DPP6: variants seen among roughly 807,000 people sequenced by gnomAD.
DPP6 encodes the protein dipeptidyl peptidase like 6.
DPP6 carries 69 observed loss-of-function variants against 122.6 expected under a neutral mutation model. That is an observed-to-expected ratio of 0.56 (90% CI 0.46 to 0.69). DPP6 has a LOEUF of 0.69. Ranked by LOEUF, DPP6 falls within the 30% of genes least tolerant of loss-of-function variation. The probability of loss-of-function intolerance (pLI) is 0.00; values close to 1 mark genes in which losing one functional copy is unlikely to be tolerated. For missense variants in DPP6, 928 were observed against 1,116.9 expected (o/e 0.83, Z 2.41); for synonymous variants, 418 against 433.1 (o/e 0.97, Z 0.43).
At chr7:153,758,577 A>G in the DPP6 span, among the ~76,000 whole-genome samples, 2 of 152,170 alleles carry the variant, frequency 1.3e-5, no homozygotes, top group Non-Finnish European at 2.9e-5. Context: ...CTGTTACTAT[A>G]TATTACTTTC....
chr7:154,727,893 A>T lies in DPP6; in HGVS notation c.883+6A>T. On this transcript the variant is annotated splice_donor_region_variant and intron_variant, in intron 8 of 25. Coordinates refer to ENST00000377770, the MANE Select transcript of DPP6 (RefSeq NM_130797.4). ...CAGTGACTGGCTGTATGAAGGTAAG[A>T]TGTGCACAGAGAGAAAAAAGGAAGA... The T allele has an allele frequency of 1.3e-6, 2 of 1,590,374 alleles. No homozygotes were observed. Among genetic ancestry groups the T allele is most frequent in the Non-Finnish European group, 1.7e-6 (2 of 1,166,992 alleles).
At position 154,554,626 on chromosome 7, in the gene DPP6, C is replaced by A. The variant is rs899405105; in HGVS notation, c.553-12216C>A. Among the ~76,000 whole-genome samples, 14 of 152,094 alleles carry A rather than the reference C, an allele frequency of 9.2e-5. No homozygotes were observed. The East Asian group carries it at 9.6e-4, about 10-fold the overall frequency. ...TAGAATTTTATATAAATGGGATCAT[C>A]ATACATGTAGACCAATATTTTTAAA... On this transcript the variant is annotated intron_variant, in intron 4 of 25. Transcript: ENST00000377770.
chr7:154,664,678 T>A (rs1235721837), intron 6 of DPP6, among the ~76,000 whole-genome samples: 1 of 151,998 alleles, frequency 6.6e-6, no homozygotes, highest in African/African-American at 2.4e-5. Context: ...TTTCAGTTTT[T>A]AAAATCAAGA....
chr7:154,152,596 A>G (rs944195972), intron 1 of DPP6, among the ~76,000 whole-genome samples: 1 of 152,236 alleles, frequency 6.6e-6, no homozygotes, highest in Non-Finnish European at 1.5e-5. Context: ...GGATTAGAAC[A>G]TTATCAGGAT....
At chr7:154,862,154 C>T (rs1803463764) in intron 17 of DPP6, among the ~76,000 whole-genome samples, 1 of 152,194 alleles carries the variant, frequency 6.6e-6, no homozygotes, top group South Asian at 2.1e-4. Flanking sequence ...ATGTGGAGCC[C>T]ACCTGTGTAC....
intron 1 of DPP6, chr7:154,092,930 G>A (rs1010152121): frequency 3.9e-5 from 6 of 152,060 alleles, no homozygotes; most frequent in African/African-American, 1.2e-4. Context: ...ACAAAAATAT[G>A]GAGCCGTCGT....
At chr7:154,016,181 C>G (rs1405221297) in intron 1 of DPP6, among the ~76,000 whole-genome samples, 1 of 152,142 alleles carries the variant, frequency 6.6e-6, no homozygotes, top group Non-Finnish European at 1.5e-5. Context: ...TCTCTCTCCC[C>G]CCGCCACACA....
the DPP6 span, among the ~76,000 whole-genome samples, chr7:153,756,674 C>G: frequency 6.6e-6 from 1 of 151,834 alleles, no homozygotes; most frequent in Non-Finnish European, 1.5e-5. Flanking sequence ...AAAGAGTACC[C>G]GTGTAAATAT....
intron 1 of DPP6, among the ~76,000 whole-genome samples, chr7:154,229,703 C>T (rs1040634502): frequency 6.6e-5 from 10 of 152,086 alleles, no homozygotes; most frequent in East Asian, 1.9e-4. Flanking sequence ...ACCATTCTTC[C>T]GTCCAAGCTT....
intron 6 of DPP6, among the ~76,000 whole-genome samples, chr7:154,645,456 C>A (rs907529494): frequency 2.6e-5 from 4 of 152,106 alleles, no homozygotes; most frequent in African/African-American, 4.8e-5. Context: ...TCCCCTTCTC[C>A]CTTCCCCTCC....
chr7:154,133,641 G>A (rs1338996329), intron 1 of DPP6, among the ~76,000 whole-genome samples: 3 of 152,156 alleles, frequency 2.0e-5, no homozygotes, highest in African/African-American at 7.2e-5. Flanking sequence ...TAGATAAACC[G>A]AGAAAAATGT....
In DPP6 at chr7:154,038,266, A is replaced by G. The variant is rs1301288499; in HGVS notation, c.51+150532A>G. ...GAGATGGAAGTAGTCCCTCCTCTCA[A>G]GGAGTCTGTCCTCTACTGGGGAGAT... On this transcript the variant is annotated intron_variant, in intron 1 of 25. Transcript: ENST00000404039. Among the ~76,000 whole-genome samples, 448 of 128,762 alleles carry G rather than the reference A, an allele frequency of 3.5e-3. 17 individuals carry two copies. Among genetic ancestry groups the G allele is most frequent in the African/African-American group, 0.013 (404 of 30,130 alleles). 84.5% of individuals were successfully genotyped at this position (128,762 alleles called of 152,430 possible).
intron 3 of DPP6, among the ~76,000 whole-genome samples, chr7:154,476,720 T>A (rs954110953): frequency 3.3e-5 from 5 of 152,186 alleles, no homozygotes; most frequent in African/African-American, 4.8e-5. Flanking sequence ...TGCTAAACCC[T>A]GGTTGGGGGA....
chr7:154,609,671 C>T (rs904948456), intron 5 of DPP6, among the ~76,000 whole-genome samples: 1 of 152,170 alleles, frequency 6.6e-6, no homozygotes, highest in African/African-American at 2.4e-5. Context: ...ACACACAGCA[C>T]ACAGTGGGAC....
intron 4 of DPP6, among the ~76,000 whole-genome samples, chr7:154,564,143 A>G (rs1011004446): frequency 6.6e-6 from 1 of 152,138 alleles, no homozygotes; most frequent in East Asian, 1.9e-4. Context: ...AAGTAAGAGG[A>G]CAGCTGAGAA....
Position 154,594,246 on chromosome 7 carries a change from G to A in DPP6, c.627+27330G>A, listed in dbSNP as rs186600634. Among the ~76,000 whole-genome samples the A allele has an allele frequency of 3.3e-5, 5 of 152,280 alleles. No individual in the cohort carries two copies. In the East Asian group the frequency reaches 9.7e-4, roughly 29 times the overall value. On this transcript the variant is annotated intron_variant, in intron 5 of 25. Coordinates refer to ENST00000377770, the MANE Select transcript of DPP6 (RefSeq NM_130797.4). The stretch of plus-strand genomic sequence containing the variant: ...TTCATGTTGTAAAAACACACCACCA[G>A]AAGTCAACCATTCTTATTTTGCCCA...
Position 154,280,983 on chromosome 7 carries a change from TTTTA to T in DPP6, c.244-165191_244-165188del, listed in dbSNP as rs146635527. Among the ~76,000 whole-genome samples the T allele has an allele frequency of 5.6e-3, 801 of 143,044 alleles. 1 individual carries two copies. The highest frequency in any genetic ancestry group is 8.0e-3 in the African/African-American group (300 of 37,516). 93.8% of individuals were successfully genotyped at this position (143,044 alleles called of 152,430 possible). A position where few individuals can be genotyped will look rare whatever the true frequency, so the allele number is the denominator to read the frequency against. ...AACAAGAACACAATTTTATTTCTTA[TTTTA>T]TTTATTTATTTATTTATTTATTTAT... On this transcript the variant is annotated intron_variant, in intron 1 of 25. Transcript: ENST00000377770.
the DPP6 span, among the ~76,000 whole-genome samples, chr7:153,841,189 G>A: frequency 0.83 from 126,788 of 152,214 alleles, 53,293 homozygotes; most frequent in African/African-American, 0.96. Flanking sequence ...ACATGGTGCA[G>A]AATATTTTGG....
the DPP6 span, among the ~76,000 whole-genome samples, chr7:153,749,172 G>A: frequency 1.6e-4 from 24 of 152,190 alleles, no homozygotes; most frequent in African/African-American, 4.6e-4. The surrounding 1 kb of genome is among the most constrained non-coding windows in gnomAD (Gnocchi z 4.1). Flanking sequence ...GATGGTTGGC[G>A]GATCGCGGGG....
Sources: gnomAD v4.1 joint callset for allele counts (sites outside exome capture counted in the v4.1 genomes callset) on GRCh38, gnomAD v4.1.1 for gene constraint, Gnocchi (gnomAD v3.1) non-coding constraint, MANE v1.5 for transcripts, NCBI Gene and HGNC (gene_info 2026-07-23, HGNC 2026-07-21) for gene names.